The following KIAA0319L variants were observed in gnomAD, a reference collection of about 807,000 sequenced individuals.
KIAA0319L encodes the protein dyslexia-associated protein KIAA0319-like protein.
A neutral mutation model predicts 120.1 loss-of-function variants in KIAA0319L; 55 were observed. The observed-to-expected ratio is 0.46, with a 90% confidence interval of 0.37 to 0.57. The LOEUF (loss-of-function observed/expected upper bound fraction) is 0.57. Among genes scored for constraint, KIAA0319L ranks in the 20% least tolerant of loss-of-function variants. The probability of loss-of-function intolerance (pLI) is 0.00; values close to 1 mark genes in which losing one functional copy is unlikely to be tolerated. For synonymous variants in KIAA0319L, 398 were observed against 471.9 expected (o/e 0.84, Z 2.03); for missense variants, 1,049 against 1,255.3 (o/e 0.84, Z 2.48).
rs1462778790 is a variant in KIAA0319L at position 35,507,569 on chromosome 1, T to C, written c.143-434A>G. Among the ~76,000 whole-genome samples the C allele has an allele frequency of 3.3e-5, 5 of 152,194 alleles. No homozygotes were observed. The South Asian group carries it at 6.2e-4, about 19-fold the overall frequency. ...TTTCTCAGGGACAATGTGAGAACTG[T>C]GGGACCAGAAGAACAGGTAGCAATG... is the stretch of plus-strand genomic sequence containing the variant. On this transcript the variant is annotated intron_variant, in intron 2 of 20. Transcript: ENST00000325722.
In KIAA0319L at chr1:35,506,736, C is replaced by T. The variant is rs1310293981; in HGVS notation, c.542G>A (p.Ser181Asn). 1.9e-6 allele frequency: 3 copies of T among 1,614,208 alleles called. No individual in the cohort carries two copies. The highest frequency in any genetic ancestry group is 2.5e-6 in the Non-Finnish European group (3 of 1,180,032). Residue 181 changes from serine (S) to asparagine (N), a missense_variant, in exon 3 of 21, where the codon AGC becomes AAC. Physicochemically the swap from Ser to Asn is conservative, Grantham distance 46. Transcript: ENST00000325722. The surrounding 1 kb of genome is among the most constrained non-coding windows in gnomAD (Gnocchi z 4.0). ...TCTCTTCTGAAGCTTCCTGATTAAG[C>T]TCTGCTGGTCACTGGAAGATACAGC... ...RPAVSSSDQQSLIRKLQKRGS... is the reference protein window; with the variant it reads ...RPAVSSSDQQNLIRKLQKRGS...
chr1:35,495,863 C>CAAAAAAAA (rs200064916), intron 3 of KIAA0319L, among the ~76,000 whole-genome samples: 3 of 68,142 alleles, frequency 4.4e-5, no homozygotes, highest in African/African-American at 1.3e-4. Flanking sequence ...TAACACTCTA[C>CAAAAAAAA]AAAAAAAAAA....
chr1:35,499,360 T>C (rs1644920944), intron 3 of KIAA0319L, among the ~76,000 whole-genome samples: 2 of 151,982 alleles, frequency 1.3e-5, no homozygotes, highest in African/African-American at 4.8e-5. Flanking sequence ...GGATTAGTGC[T>C]CTTAGAAAAC....
In KIAA0319L at chr1:35,449,947, C is replaced by T. The variant is rs768123207; in HGVS notation, c.2273G>A (p.Gly758Glu). The T allele has an allele frequency of 6.2e-7, 1 of 1,614,118 alleles. No individual in the cohort carries two copies. Among genetic ancestry groups the T allele is most frequent in the South Asian group, 1.1e-5 (1 of 91,086 alleles). The change falls in exon 15 of 21, where the codon GGA (glycine) becomes GAA (glutamate). Residue 758 changes from glycine to glutamate, a missense_variant. Transcript: ENST00000325722. The part of the protein sequence containing the change: ...PILFLSNLVE[G>E]TYTFHLKVTD... ...CACTTTCAGGTGAAAAGTGTAGGTT[C>T]CCTCAACCAGGTTTGAAAGAAAAAG...
Position 35,449,968 on chromosome 1 carries a change from A to G in KIAA0319L, c.2252T>C (p.Phe751Ser). Residue 751 changes from phenylalanine to serine, a missense_variant, in exon 15 of 21, where the codon TTT (phenylalanine) becomes TCT (serine). Phe to Ser is a radical substitution (Grantham distance 155). Coordinates refer to ENST00000325722, the MANE Select transcript of KIAA0319L (RefSeq NM_024874.5). ...LNHSDHHPIL[F>S]LSNLVEGTYT... ...GGTTCCCTCAACCAGGTTTGAAAGA[A>G]AAAGGATAGGGTGATGGTCAGAGTG... The G allele has an allele frequency of 6.2e-7, 1 of 1,614,198 alleles. No individual in the cohort carries two copies. The highest frequency in any genetic ancestry group is 8.5e-7 in the Non-Finnish European group (1 of 1,180,026).
At chr1:35,553,248 T>G (rs1246486416) in intron 2 of KIAA0319L, among the ~76,000 whole-genome samples, 1 of 152,080 alleles carries the variant, frequency 6.6e-6, no homozygotes. Flanking sequence ...AAGTGATTTT[T>G]CCCTATTCTG....
In KIAA0319L at chr1:35,434,083, CT is replaced by C. The variant is rs34942826; in HGVS notation, c.*810del. ...GTTAAGGGGGGGCCAGATATCATTT[CT>C]TTTTTTTTTTTTTTTTTTTTGACGG... is the stretch of plus-strand genomic sequence containing the variant. On this transcript the variant is annotated 3_prime_UTR_variant, in exon 21 of 21. Transcript: ENST00000325722. 0.18 allele frequency: 21,145 copies of C among 116,018 alleles called. 4,068 individuals carry two copies. The highest frequency in any genetic ancestry group is 0.68 in the East Asian group (2,249 of 3,288). 7.2% of individuals were successfully genotyped at this position (116,018 alleles called of 1,614,324 possible). A position where few individuals can be genotyped will look rare whatever the true frequency, so the allele number is the denominator to read the frequency against.
chr1:35,488,308 TG>T (rs1195004542), intron 3 of KIAA0319L, among the ~76,000 whole-genome samples: 24 of 152,156 alleles, frequency 1.6e-4, no homozygotes, highest in Non-Finnish European at 3.1e-4. Flanking sequence ...ACTCCTCCTG[TG>T]GGATGGATTT....
chr1:35,458,288 C>T (rs1558331499), intron 9 of KIAA0319L, among the ~76,000 whole-genome samples: 2 of 152,208 alleles, frequency 1.3e-5, no homozygotes, highest in East Asian at 3.9e-4. Flanking sequence ...GACAAAAGCA[C>T]CTTATAGACA....
At chr1:35,547,773 T>C (rs1647039455) in intron 2 of KIAA0319L, among the ~76,000 whole-genome samples, 1 of 152,106 alleles carries the variant, frequency 6.6e-6, no homozygotes, top group African/African-American at 2.4e-5. Context: ...GTACAGGGCT[T>C]CTTCTAGGGG....
chr1:35,555,062 A>G (rs1413734587), intron 1 of KIAA0319L: 2 of 152,116 alleles, frequency 1.3e-5, no homozygotes, highest in African/African-American at 4.8e-5. Context: ...AATCTATTCA[A>G]TTTACACCTC....
intron 2 of KIAA0319L, among the ~76,000 whole-genome samples, chr1:35,537,815 G>A (rs1283494352): frequency 6.6e-6 from 1 of 152,044 alleles, no homozygotes; most frequent in Non-Finnish European, 1.5e-5. Flanking sequence ...GAATTTTTGA[G>A]AGCCAGTTTA....
chr1:35,523,080 T>C (rs997917350), intron 2 of KIAA0319L, among the ~76,000 whole-genome samples: 3 of 151,786 alleles, frequency 2.0e-5, no homozygotes, highest in East Asian at 1.9e-4. Flanking sequence ...TAGCTCCAGC[T>C]TGTATCACAC....
chr1:35,478,914 T>A (rs1029681132), intron 4 of KIAA0319L, 52 bp downstream of exon 4: 1 of 1,588,206 alleles, frequency 6.3e-7, no homozygotes, highest in Admixed American at 1.7e-5. Flanking sequence ...AGGGAATACT[T>A]TGATCAAATG....
At chr1:35,503,758 C>A (rs528647359) in intron 3 of KIAA0319L, among the ~76,000 whole-genome samples, 1 of 152,168 alleles carries the variant, frequency 6.6e-6, no homozygotes, top group Non-Finnish European at 1.5e-5. Context: ...TCTCGTGCCT[C>A]TGCCGCCTGA....
chr1:35,443,280 C>A (rs1641361980), intron 17 of KIAA0319L: 1 of 460,540 alleles, frequency 2.2e-6, no homozygotes, highest in Non-Finnish European at 3.9e-6. Flanking sequence ...AATTCTTAAT[C>A]TTTTATGTCC....
At chr1:35,444,050 T>A in intron 17 of KIAA0319L, 111 bp downstream of exon 17, 2 of 907,344 alleles carry the variant, frequency 2.2e-6, no homozygotes, top group Non-Finnish European at 3.3e-6. Flanking sequence ...AGAGAATGAT[T>A]ATCTCCATCT....
rs114825633 is a variant in KIAA0319L, at chr1:35,539,221, G to A, written c.142+15129C>T. 2.6e-3 allele frequency among the ~76,000 whole-genome samples: 397 copies of A among 152,288 alleles called. 3 individuals are homozygous for A. Among genetic ancestry groups the A allele is most frequent in the African/African-American group, 9.3e-3 (386 of 41,552 alleles). On this transcript the variant is annotated intron_variant, in intron 2 of 20. Coordinates refer to ENST00000325722, the MANE Select transcript of KIAA0319L (RefSeq NM_024874.5). Reference sequence around the variant, plus strand: ...CAACCCCCACATGAAATACAAAAGAGTGGAGGCGAAACAGCTCAATCAAAA... The same window carrying A: ...CAACCCCCACATGAAATACAAAAGAATGGAGGCGAAACAGCTCAATCAAAA...
chr1:35,474,930 G>C (rs1643850824), intron 4 of KIAA0319L, 24 bp from the exon 5 acceptor site: 1 of 1,287,716 alleles, frequency 7.8e-7, no homozygotes, highest in Non-Finnish European at 1.1e-6. Context: ...AAATATACCA[G>C]AGATAAGAAA....
Sources: allele counts gnomAD v4.1 joint callset (sites outside exome capture counted in the v4.1 genomes callset), GRCh38; gene constraint gnomAD v4.1.1; non-coding constraint Gnocchi (gnomAD v3.1); transcripts MANE v1.5; gene names NCBI Gene and HGNC (gene_info 2026-07-23, HGNC 2026-07-21).